Variants in OCA2 observed in about 807,000 individuals in gnomAD.
The protein encoded by OCA2 is P protein.
OCA2 carries 77 observed loss-of-function variants against 100.2 expected under a neutral mutation model. The ratio of observed to expected loss-of-function variants is 0.77; its 90% CI spans 0.64 to 0.93. The LOEUF (loss-of-function observed/expected upper bound fraction) is 0.93, where lower values mean the gene tolerates loss of function less well. Among genes scored for constraint, OCA2 ranks in the 40% least tolerant of loss-of-function variants. OCA2 has a pLI of 0.00. For synonymous variants in OCA2, 432 were observed against 439.2 expected (o/e 0.98, Z 0.21); for missense variants, 1,062 against 1,089.1 (o/e 0.98, Z 0.35).
chr15:28,007,791 A>G (rs2042130933), intron 9 of OCA2, among the ~76,000 whole-genome samples: 2 of 152,222 alleles, frequency 1.3e-5, no homozygotes, highest in African/African-American at 4.8e-5. Flanking sequence ...GAAAGTGCCA[A>G]TCAGGATGAT....
rs2041297464 is a variant in OCA2, at chr15:27,984,940, G to T, written c.1364+124C>A. The T allele has an allele frequency of 3.6e-6, 4 of 1,124,322 alleles. No individual in the cohort carries two copies. In the South Asian group the frequency reaches 5.3e-5, roughly 15 times the overall value. The allele number at this position is 1,124,322 out of a possible 1,614,324, so 69.6% of individuals were successfully genotyped here. A position where few individuals can be genotyped will look rare whatever the true frequency, so the allele number is the denominator to read the frequency against. On this transcript the variant is annotated intron_variant, in intron 13 of 23. Transcript: ENST00000354638. ...GAGCTGGACTGGAATGCAGTGAGCTGTGGGCTCAACCGCCCCCACCTTTTC... is the reference window on the plus strand; with the variant it reads ...GAGCTGGACTGGAATGCAGTGAGCTTTGGGCTCAACCGCCCCCACCTTTTC...
intron 18 of OCA2, among the ~76,000 whole-genome samples, chr15:27,936,399 TACTC>T (rs1331446267): frequency 1.3e-5 from 2 of 152,192 alleles, no homozygotes; most frequent in African/African-American, 4.8e-5. Flanking sequence ...CCTAACTACT[TACTC>T]AATTATCATG....
chr15:27,940,157 A>G (rs760348037), intron 18 of OCA2, among the ~76,000 whole-genome samples: 3 of 152,228 alleles, frequency 2.0e-5, no homozygotes, highest in Non-Finnish European at 2.9e-5. Flanking sequence ...GCATCCAAGC[A>G]GATTTTAGTC....
intron 19 of OCA2, among the ~76,000 whole-genome samples, chr15:27,893,649 A>T (rs893495266): frequency 6.6e-5 from 10 of 152,254 alleles, no homozygotes; most frequent in South Asian, 6.2e-4. Context: ...AAGGACTGAG[A>T]TATGCCCTGG....
chr15:27,791,702 C>T (rs914767576), intron 23 of OCA2, among the ~76,000 whole-genome samples: 2 of 152,042 alleles, frequency 1.3e-5, no homozygotes, highest in African/African-American at 4.8e-5. Flanking sequence ...TATTGTGGAT[C>T]CTGAGGAGAA....
chr15:27,989,780 A>C, intron 10 of OCA2, 114 bp from the exon 11 acceptor site: 1 of 867,282 alleles, frequency 1.2e-6, no homozygotes, highest in Non-Finnish European at 1.9e-6. Context: ...CCAGGGTTGG[A>C]AATCTCACCA....
intron 19 of OCA2, among the ~76,000 whole-genome samples, chr15:27,907,595 G>A (rs2038227157): frequency 6.6e-6 from 1 of 151,614 alleles, no homozygotes; most frequent in African/African-American, 2.4e-5. Context: ...TTAACAAGAT[G>A]GACAAACCAC....
At position 27,896,948 on chromosome 15, in the gene OCA2, T is replaced by TG. The variant is rs562922631; in HGVS notation, c.2080-25027dup. On this transcript the variant is annotated intron_variant, in intron 19 of 23. Transcript: ENST00000354638. ...GCTCACGCCTATAATCCCAGCACTC[T>TG]GGGGGGCCGAGGTGGGCGGATTACG... Among the ~76,000 whole-genome samples the TG allele has an allele frequency of 3.0e-4, 45 of 152,158 alleles. 1 individual carries two copies. The highest frequency in any genetic ancestry group is 1.1e-3 in the African/African-American group (45 of 41,518).
intron 23 of OCA2, among the ~76,000 whole-genome samples, chr15:27,809,099 G>A (rs1348700670): frequency 6.6e-6 from 1 of 152,144 alleles, no homozygotes; most frequent in Non-Finnish European, 1.5e-5. Context: ...CTGCCTCAAA[G>A]AACTTCCTCT....
the OCA2 span, among the ~76,000 whole-genome samples, chr15:27,734,449 G>T: frequency 6.6e-6 from 1 of 152,062 alleles, no homozygotes; most frequent in South Asian, 2.1e-4. Context: ...ATGTCTTCTT[G>T]GGGGAATGAG....
At chr15:27,960,681 T>G (rs544727292) in intron 15 of OCA2, among the ~76,000 whole-genome samples, 16 of 152,236 alleles carry the variant, frequency 1.1e-4, no homozygotes, top group African/African-American at 3.9e-4. Flanking sequence ...GGCGAGCAGA[T>G]CACCTGAGGT....
At chr15:27,958,529 A>G (rs2040306907) in intron 15 of OCA2, among the ~76,000 whole-genome samples, 1 of 152,204 alleles carries the variant, frequency 6.6e-6, no homozygotes, top group Admixed American at 6.5e-5. Flanking sequence ...ACACAGGCGA[A>G]AGAGAGAGGT....
intron 19 of OCA2, among the ~76,000 whole-genome samples, chr15:27,920,827 CAT>C (rs2038830112): frequency 6.6e-6 from 1 of 151,546 alleles, no homozygotes; most frequent in Admixed American, 6.6e-5. Context: ...ATTGAGATGA[CAT>C]AAAAATTACT....
At chr15:27,768,876 G>A (rs995262986) in intron 23 of OCA2, among the ~76,000 whole-genome samples, 14 of 152,186 alleles carry the variant, frequency 9.2e-5, no homozygotes, top group Non-Finnish European at 1.8e-4. Flanking sequence ...TTCTGGGGCC[G>A]AGCCAGTTGC....
At chr15:28,011,572 G>A (rs2042240500) in intron 9 of OCA2, among the ~76,000 whole-genome samples, 1 of 151,364 alleles carries the variant, frequency 6.6e-6, no homozygotes, top group African/African-American at 2.4e-5. Flanking sequence ...TGGAATTATT[G>A]CAACTAAGCA....
chr15:27,921,582 A>C (rs1242189637), intron 19 of OCA2, among the ~76,000 whole-genome samples: 1 of 152,176 alleles, frequency 6.6e-6, no homozygotes, highest in African/African-American at 2.4e-5. Flanking sequence ...TAGGGGCACC[A>C]GCCCCCTACA....
At chr15:28,006,668 G>A (rs1314378551) in intron 9 of OCA2, among the ~76,000 whole-genome samples, 2 of 152,168 alleles carry the variant, frequency 1.3e-5, no homozygotes, top group African/African-American at 4.8e-5. Context: ...GGTATCTCTG[G>A]AACAAGGTAA....
At chr15:27,773,002 C>T (rs2031980567) in intron 23 of OCA2, among the ~76,000 whole-genome samples, 1 of 152,014 alleles carries the variant, frequency 6.6e-6, no homozygotes, top group Non-Finnish European at 1.5e-5. Flanking sequence ...TATTCTGATG[C>T]AATATTTTTG....
chr15:27,789,821 T>C (rs376342411), intron 23 of OCA2, among the ~76,000 whole-genome samples: 10 of 152,338 alleles, frequency 6.6e-5, no homozygotes, highest in African/African-American at 1.9e-4. Context: ...AAATGGATCA[T>C]AGATTTAGAG....
Sources: allele counts gnomAD v4.1 joint callset (sites outside exome capture counted in the v4.1 genomes callset), GRCh38; gene constraint gnomAD v4.1.1; transcripts MANE v1.5; gene names NCBI Gene and HGNC (gene_info 2026-07-23, HGNC 2026-07-21).